Variants in GRID1 observed in about 807,000 individuals in gnomAD.
GRID1 encodes glutamate receptor ionotropic, delta-1.
In GRID1, 28 loss-of-function variants were observed where a neutral mutation model predicts 98.0. The ratio of observed to expected loss-of-function variants is 0.29; its 90% CI spans 0.21 to 0.39. The LOEUF is 0.39. Ranked by LOEUF, GRID1 falls within the 10% of genes least tolerant of loss-of-function variation. GRID1 has a pLI of 1.00. For missense variants in GRID1, 1,111 were observed against 1,340.5 expected, an observed-to-expected ratio of 0.83 and a Z score of 2.67; for synonymous variants, 553 against 538.5, an observed-to-expected ratio of 1.03 and a Z score of -0.37.
chr10:85,668,156 C>A (rs2132579492), intron 12 of GRID1, among the ~76,000 whole-genome samples: 1 of 152,324 alleles, frequency 6.6e-6, no homozygotes, highest in South Asian at 2.1e-4. Flanking sequence ...GGGATGCTTC[C>A]ACAGGGAGGC....
At chr10:86,278,796 G>T (rs1847312211) in intron 2 of GRID1, among the ~76,000 whole-genome samples, 1 of 152,158 alleles carries the variant, frequency 6.6e-6, no homozygotes. Context: ...ATCCAACATG[G>T]AAAACTCTAG....
intron 8 of GRID1, among the ~76,000 whole-genome samples, chr10:85,731,458 T>C (rs995759837): frequency 6.2e-5 from 7 of 113,006 alleles, no homozygotes; most frequent in African/African-American, 2.7e-4. Context: ...TGGGTAATGA[T>C]ACAGTTAAAA....
At chr10:85,900,802 G>A (rs1230423674) in intron 5 of GRID1, among the ~76,000 whole-genome samples, 1 of 152,178 alleles carries the variant, frequency 6.6e-6, no homozygotes, top group Non-Finnish European at 1.5e-5. Flanking sequence ...TGCTTCACAG[G>A]TGTTCAGTAC....
intron 2 of GRID1, among the ~76,000 whole-genome samples, chr10:86,231,433 G>A (rs1408299571): frequency 1.3e-5 from 2 of 152,158 alleles, no homozygotes; most frequent in African/African-American, 4.8e-5. Context: ...GATCCAGCAG[G>A]CCACAGGTAA....
At chr10:86,041,614 G>A (rs761406291) in intron 4 of GRID1, among the ~76,000 whole-genome samples, 1 of 152,188 alleles carries the variant, frequency 6.6e-6, no homozygotes, top group Non-Finnish European at 1.5e-5. Context: ...TCAAAGCCCA[G>A]TACCCCATCA....
At position 86,147,148 on chromosome 10, in the gene GRID1, T is replaced by C. The variant is rs1452089248; in HGVS notation, c.521-8124A>G. On this transcript the variant is annotated intron_variant, in intron 3 of 15. Coordinates refer to ENST00000327946, the MANE Select transcript of GRID1 (RefSeq NM_017551.3). ...GCCCAAGGTCTCATCTGAGAGCGTC[T>C]TGTCTGGGAGGGAGGGCTCTCCTGT... Among the ~76,000 whole-genome samples, 84 of 152,244 alleles carry C rather than the reference T, an allele frequency of 5.5e-4. 1 individual carries two copies. The highest frequency in any genetic ancestry group is 1.3e-4 in the Non-Finnish European group (9 of 68,006).
chr10:86,032,244 A>G (rs2131893540), intron 4 of GRID1, among the ~76,000 whole-genome samples: 1 of 151,888 alleles, frequency 6.6e-6, no homozygotes, highest in Non-Finnish European at 1.5e-5. Context: ...CCTGTCCTGG[A>G]GGTGGGGGGC....
intron 2 of GRID1, among the ~76,000 whole-genome samples, chr10:86,357,496 G>A (rs1291049896): frequency 1.3e-5 from 2 of 152,210 alleles, no homozygotes; most frequent in African/African-American, 4.8e-5. Context: ...GGAGCCTCTT[G>A]AACCCAAAAT....
chr10:85,877,314 G>A (rs1344315148), intron 5 of GRID1, among the ~76,000 whole-genome samples: 1 of 152,200 alleles, frequency 6.6e-6, no homozygotes, highest in African/African-American at 2.4e-5. Context: ...CCTCAAGTGG[G>A]TCCCTGACCC....
chr10:85,877,963 C>T lies in GRID1; in HGVS notation c.781-8783G>A, dbSNP rs188005255. Among the ~76,000 whole-genome samples the T allele has an allele frequency of 4.8e-3, 732 of 152,126 alleles. 8 individuals are homozygous for T. Among genetic ancestry groups the T allele is most frequent in the African/African-American group, 0.016 (663 of 41,472 alleles). ...GCTGAAAGCCAAGGCTTGAGAACTA[C>T]GTGAAGAATGCAGAAGCCTCAGGAG... On this transcript the variant is annotated intron_variant, in intron 5 of 15. Coordinates refer to ENST00000327946, the MANE Select transcript of GRID1 (RefSeq NM_017551.3).
intron 4 of GRID1, among the ~76,000 whole-genome samples, chr10:86,081,896 T>A (rs1409206701): frequency 6.6e-6 from 1 of 152,234 alleles, no homozygotes; most frequent in Non-Finnish European, 1.5e-5. Flanking sequence ...GTGATATTAT[T>A]CTGCATACTA....
Position 85,724,282 on chromosome 10 carries a change from G to A in GRID1, c.1858+70C>T, listed in dbSNP as rs1467846916. On this transcript the variant is annotated intron_variant, in intron 11 of 15. Coordinates refer to ENST00000327946, the MANE Select transcript of GRID1 (RefSeq NM_017551.3). ...AATGACTTTGGTAAAATGCACCTGA[G>A]AACTTTGCCAATGGATAAGTTCTTC... The A allele has an allele frequency of 3.2e-6, 4 of 1,234,810 alleles. 1 individual carries two copies. The highest frequency in any genetic ancestry group is 3.8e-4 in the Middle Eastern group (2 of 5,206). 76.5% of individuals were successfully genotyped at this position (1,234,810 alleles called of 1,614,324 possible).
chr10:85,605,697 C>T (rs1842650968), intron 15 of GRID1: 1 of 152,120 alleles, frequency 6.6e-6, no homozygotes, highest in Non-Finnish European at 1.5e-5. Flanking sequence ...TTTTCTCAGT[C>T]AATTGAGCAC....
At chr10:85,820,007 AAGGAAGGAAGGAAGGAAGGAAGGCAGGC>A (rs1564600145) in intron 8 of GRID1, among the ~76,000 whole-genome samples, 48 of 120,080 alleles carry the variant, frequency 4.0e-4, no homozygotes, top group African/African-American at 2.8e-4. Context: ...GGAAGGAAGG[AAGGAAGGAAGGAAGGAAGGAAGGCAGGC>A]AGGCAGGCAG....
intron 4 of GRID1, among the ~76,000 whole-genome samples, chr10:85,946,518 C>A (rs975178087): frequency 2.0e-5 from 3 of 152,190 alleles, no homozygotes; most frequent in Admixed American, 1.3e-4. Context: ...GAAATCACTG[C>A]TCTAAATAAT....
At chr10:85,912,941 T>G (rs567794044) in intron 5 of GRID1, among the ~76,000 whole-genome samples, 132 of 152,320 alleles carry the variant, frequency 8.7e-4, no homozygotes, top group African/African-American at 2.9e-3. Context: ...TATCACATTA[T>G]AATAAGAATA....
intron 2 of GRID1, among the ~76,000 whole-genome samples, chr10:86,236,091 G>A (rs1359649933): frequency 6.6e-6 from 1 of 152,172 alleles, no homozygotes; most frequent in Non-Finnish European, 1.5e-5. Flanking sequence ...ATCCTAGTGG[G>A]TGTGAAGTGG....
chr10:86,277,540 G>A (rs1319136984), intron 2 of GRID1, among the ~76,000 whole-genome samples: 1 of 152,188 alleles, frequency 6.6e-6, no homozygotes, highest in East Asian at 1.9e-4. Context: ...TGACAAAGAT[G>A]TGATTTGTCA....
chr10:85,672,580 A>T (rs1213640937), intron 12 of GRID1, among the ~76,000 whole-genome samples: 1 of 152,042 alleles, frequency 6.6e-6, no homozygotes, highest in East Asian at 1.9e-4. Context: ...TGCTGGGATA[A>T]CAGGCATGAG....
Sources: allele counts gnomAD v4.1 joint callset (sites outside exome capture counted in the v4.1 genomes callset), GRCh38; gene constraint gnomAD v4.1.1; transcripts MANE v1.5; gene names NCBI Gene and HGNC (gene_info 2026-07-23, HGNC 2026-07-21).